KCNIP4: variants seen among roughly 807,000 people sequenced by gnomAD.
KCNIP4 encodes the protein potassium voltage-gated channel interacting protein 4.
A neutral mutation model predicts 34.0 loss-of-function variants in KCNIP4; 12 were observed. The observed-to-expected ratio is 0.35, with a 90% CI of 0.23 to 0.57. The LOEUF is 0.57. KCNIP4 is among the 20% of genes least tolerant of loss of function. The pLI, the probability that KCNIP4 is intolerant of heterozygous loss-of-function variation, is 0.83. For missense variants in KCNIP4, 238 were observed against 311.7 expected (o/e 0.76, Z 1.78); for synonymous variants, 124 against 102.2 (o/e 1.21, Z -1.29).
At chr4:20,811,308 G>A (rs1715720723) in intron 3 of KCNIP4, among the ~76,000 whole-genome samples, 1 of 152,170 alleles carries the variant, frequency 6.6e-6, no homozygotes, top group African/African-American at 2.4e-5. Flanking sequence ...ATATGGCCAT[G>A]GCACCAAACT....
At chr4:21,102,163 T>C (rs1398841219) in intron 1 of KCNIP4, among the ~76,000 whole-genome samples, 1 of 152,206 alleles carries the variant, frequency 6.6e-6, no homozygotes, top group African/African-American at 2.4e-5. Flanking sequence ...CTTTCAACTA[T>C]TGTGTCTAGT....
chr4:21,453,519 T>C (rs568081254), intron 1 of KCNIP4, among the ~76,000 whole-genome samples: 35 of 152,134 alleles, frequency 2.3e-4, no homozygotes, highest in African/African-American at 8.4e-4. Context: ...ACCCTCACTC[T>C]TTCCAGGATG....
chr4:21,472,099 T>C (rs538986591), intron 1 of KCNIP4, among the ~76,000 whole-genome samples: 4 of 152,144 alleles, frequency 2.6e-5, no homozygotes, highest in Non-Finnish European at 4.4e-5. Context: ...TTCCTGAAGC[T>C]TTTTCCATAA....
In KCNIP4 at chr4:20,824,408, G is replaced by T. The variant is rs753342535; in HGVS notation, c.288+26135C>A. On this transcript the variant is annotated intron_variant, in intron 3 of 8. Transcript: ENST00000382152. ...AAAAATGTGATTCTTTAGGCCAGGC[G>T]TGGTAGCTCATGCCTGTAATCCCAG... 9.9e-5 allele frequency among the ~76,000 whole-genome samples: 15 copies of T among 152,140 alleles called. 1 individual carries two copies. The highest frequency in any genetic ancestry group is 1.3e-4 in the Admixed American group (2 of 15,266).
At chr4:20,892,328 C>A (rs79584206) in intron 1 of KCNIP4, among the ~76,000 whole-genome samples, 7,678 of 152,202 alleles carry the variant, frequency 0.05, 453 homozygotes, top group African/African-American at 0.14. Context: ...TACCTAAATA[C>A]ACCTGTTTCT....
At chr4:21,183,458 GTGT>G (rs1754991082) in intron 1 of KCNIP4, among the ~76,000 whole-genome samples, 1 of 143,452 alleles carries the variant, frequency 7.0e-6, no homozygotes, top group Non-Finnish European at 1.5e-5. Context: ...TGTAATGGCT[GTGT>G]TGTTTTTGTT....
At chr4:21,847,587 G>A (rs1724100122) in intron 1 of KCNIP4, 1 of 152,168 alleles carries the variant, frequency 6.6e-6, no homozygotes, top group Non-Finnish European at 1.5e-5. Flanking sequence ...TACTTCATAT[G>A]TGTAACGAAA....
intron 1 of KCNIP4, among the ~76,000 whole-genome samples, chr4:21,736,311 T>C (rs892129325): frequency 6.6e-6 from 1 of 152,144 alleles, no homozygotes; most frequent in African/African-American, 2.4e-5. Flanking sequence ...ACTAGCCACC[T>C]CCCTTCCTAT....
chr4:21,666,353 C>T (rs1031959939), intron 1 of KCNIP4, among the ~76,000 whole-genome samples: 1 of 152,164 alleles, frequency 6.6e-6, no homozygotes, highest in Non-Finnish European at 1.5e-5. Context: ...TGCATCATTG[C>T]AACGGATCAT....
intron 1 of KCNIP4, among the ~76,000 whole-genome samples, chr4:21,313,910 C>G (rs1332655946): frequency 6.6e-6 from 1 of 152,164 alleles, no homozygotes; most frequent in Non-Finnish European, 1.5e-5. Context: ...TAGAACAACA[C>G]AAATTTATTA....
At chr4:21,586,224 C>G (rs1208796151) in intron 1 of KCNIP4, among the ~76,000 whole-genome samples, 1 of 152,022 alleles carries the variant, frequency 6.6e-6, no homozygotes, top group Non-Finnish European at 1.5e-5. Flanking sequence ...TAATTATACA[C>G]TTAATTATAT....
intron 1 of KCNIP4, among the ~76,000 whole-genome samples, chr4:21,292,332 T>A (rs1227707286): frequency 6.6e-6 from 1 of 152,184 alleles, no homozygotes; most frequent in East Asian, 1.9e-4. Context: ...GGTACCTCCA[T>A]CGTCTGAGCT....
At chr4:21,114,188 C>T (rs760824114) in intron 1 of KCNIP4, among the ~76,000 whole-genome samples, 2 of 152,278 alleles carry the variant, frequency 1.3e-5, no homozygotes, top group Non-Finnish European at 2.9e-5. Flanking sequence ...TCTTTTGTCT[C>T]TCCCTGCAGA....
chr4:21,692,827 A>ATTCTTTTT (rs1711806287), intron 1 of KCNIP4, among the ~76,000 whole-genome samples: 1 of 87,250 alleles, frequency 1.1e-5, no homozygotes, highest in African/African-American at 4.5e-5. Flanking sequence ...AAATCCTGTC[A>ATTCTTTTT]TTTTTTTTTT....
chr4:21,580,332 AAGGTTACAATGTTAAT>A (rs1313874790), intron 1 of KCNIP4, among the ~76,000 whole-genome samples: 2 of 152,192 alleles, frequency 1.3e-5, no homozygotes, highest in East Asian at 3.9e-4. Flanking sequence ...ATTTAAACAC[AAGGTTACAATGTTAAT>A]AGGTGACAGA....
Position 21,332,797 on chromosome 4 carries a change from G to A in KCNIP4, c.62-450088C>T, listed in dbSNP as rs115268763. On this transcript the variant is annotated intron_variant, in intron 1 of 8. Transcript: ENST00000382152. ...GATCCTGCTGTTTCCAATTCAAAGCGTTTCTTAAAATGTGTACTATATCAT... is the reference window on the plus strand; with the variant it reads ...GATCCTGCTGTTTCCAATTCAAAGCATTTCTTAAAATGTGTACTATATCAT... Among the ~76,000 whole-genome samples the A allele has an allele frequency of 8.3e-3, 1,258 of 152,082 alleles. 20 individuals are homozygous for A. Among genetic ancestry groups the A allele is most frequent in the African/African-American group, 0.027 (1,134 of 41,502 alleles).
At chr4:21,365,796 T>G (rs1287456332) in intron 1 of KCNIP4, among the ~76,000 whole-genome samples, 2 of 152,200 alleles carry the variant, frequency 1.3e-5, no homozygotes, top group Non-Finnish European at 2.9e-5. Context: ...GATGATATGT[T>G]TTTGTCCATT....
intron 1 of KCNIP4, among the ~76,000 whole-genome samples, chr4:21,187,520 A>G (rs529090790): frequency 6.6e-6 from 1 of 152,294 alleles, no homozygotes; most frequent in East Asian, 1.9e-4. Flanking sequence ...TATTTTAAGT[A>G]TGCATACTTG....
At chr4:21,019,809 T>C (rs1414884327) in intron 1 of KCNIP4, among the ~76,000 whole-genome samples, 1 of 152,168 alleles carries the variant, frequency 6.6e-6, no homozygotes, top group East Asian at 1.9e-4. Context: ...TTATTCGCAG[T>C]ATGTCTCACA....
Sources: allele counts gnomAD v4.1 joint callset (sites outside exome capture counted in the v4.1 genomes callset), GRCh38; gene constraint gnomAD v4.1.1; transcripts MANE v1.5; gene names NCBI Gene and HGNC (gene_info 2026-07-23, HGNC 2026-07-21).